PAX7: variants seen among roughly 807,000 people sequenced by gnomAD.
PAX7 encodes paired box protein Pax-7.
PAX7 carries 18 observed loss-of-function variants against 50.7 expected under a neutral mutation model. The ratio of observed to expected loss-of-function variants is 0.36; its 90% confidence interval spans 0.25 to 0.53. The LOEUF (loss-of-function observed/expected upper bound fraction) is 0.53, where lower values mean the gene tolerates loss of function less well. Ranked by LOEUF, PAX7 falls within the 20% of genes least tolerant of loss-of-function variation. The probability of loss-of-function intolerance (pLI) is 0.93; values close to 1 mark genes in which losing one functional copy is unlikely to be tolerated. For synonymous variants in PAX7, 310 were observed against 290.4 expected, an observed-to-expected ratio of 1.07 and a Z score of -0.69; for missense variants, 644 against 702.9, an observed-to-expected ratio of 0.92 and a Z score of 0.95.
intron 4 of PAX7, among the ~76,000 whole-genome samples, chr1:18,688,545 C>T (rs1045937764): frequency 7.9e-5 from 12 of 152,304 alleles, no homozygotes; most frequent in African/African-American, 1.2e-4. Context: ...AGAACGTTTC[C>T]GTCATCGCAG....
chr1:18,642,801 G>T (rs2100438512), intron 4 of PAX7, among the ~76,000 whole-genome samples: 1 of 152,178 alleles, frequency 6.6e-6, no homozygotes, highest in Admixed American at 6.5e-5. Context: ...GACCTAAGGG[G>T]GAAACTTCGC....
intron 4 of PAX7, among the ~76,000 whole-genome samples, chr1:18,637,561 C>A (rs893294513): frequency 6.6e-6 from 1 of 152,234 alleles, no homozygotes; most frequent in African/African-American, 2.4e-5. Flanking sequence ...AGGTTTCTCC[C>A]AGCACCCCTC....
intron 7 of PAX7, among the ~76,000 whole-genome samples, chr1:18,709,156 G>A (rs2100340945): frequency 6.6e-6 from 1 of 152,246 alleles, no homozygotes; most frequent in Non-Finnish European, 1.5e-5. Context: ...AGTGGAAACT[G>A]AGGCCCAGAG....
intron 8 of PAX7, 152 bp downstream of exon 8, chr1:18,736,030 G>A: frequency 6.5e-7 from 1 of 1,537,570 alleles, no homozygotes; most frequent in Non-Finnish European, 8.9e-7. Flanking sequence ...AGATGGAACA[G>A]TTCACCTAAA....
intron 4 of PAX7, among the ~76,000 whole-genome samples, chr1:18,659,679 G>A (rs1180485632): frequency 6.6e-6 from 1 of 152,160 alleles, no homozygotes; most frequent in Non-Finnish European, 1.5e-5. Flanking sequence ...TGAGAGGTGG[G>A]AACCCTGCCT....
chr1:18,687,372 C>G (rs1330305330), intron 4 of PAX7, among the ~76,000 whole-genome samples: 1 of 152,148 alleles, frequency 6.6e-6, no homozygotes, highest in African/African-American at 2.4e-5. Flanking sequence ...CTGCCGAGAC[C>G]AGGATTCCTG....
chr1:18,744,659 C>CGGAT (rs57915192), intron 8 of PAX7, among the ~76,000 whole-genome samples, 155 bp from the exon 9 acceptor site: 23,998 of 90,784 alleles, frequency 0.26, 5,337 homozygotes, highest in East Asian at 0.44. Flanking sequence ...GTAGACAGGA[C>CGGAT]GGATGGATGG....
At chr1:18,640,997 G>A (rs1359918633) in intron 4 of PAX7, among the ~76,000 whole-genome samples, 1 of 152,244 alleles carries the variant, frequency 6.6e-6, no homozygotes, top group Non-Finnish European at 1.5e-5. Context: ...CCCAACCGAA[G>A]AAGAGAGAGG....
chr1:18,674,687 G>A (rs1388489991), intron 4 of PAX7, among the ~76,000 whole-genome samples: 1 of 152,234 alleles, frequency 6.6e-6, no homozygotes, highest in Non-Finnish European at 1.5e-5. Context: ...TGGCACCGCT[G>A]TCTGTCCCCC....
rs138283877 is a variant in PAX7, at chr1:18,663,150, C to T, written c.586+26779C>T. ...ATAATGTGTCCAGGACATCATTTTC[C>T]GGAGGCTGGTTCCTTCTCGACACCT... On this transcript the variant is annotated intron_variant, in intron 4 of 8. Coordinates refer to ENST00000420770, the MANE Select transcript of PAX7 (RefSeq NM_001135254.2). 7.2e-5 allele frequency among the ~76,000 whole-genome samples: 11 copies of T among 152,246 alleles called. No individual in the cohort carries two copies. In the East Asian group the frequency reaches 9.6e-4, roughly 13 times the overall value.
chr1:18,716,962 A>G (rs1343774569), intron 7 of PAX7, among the ~76,000 whole-genome samples: 1 of 92,254 alleles, frequency 1.1e-5, no homozygotes, highest in Non-Finnish European at 2.1e-5. Context: ...ACCCAAGTCC[A>G]GGGCGGGGGT....
intron 7 of PAX7, among the ~76,000 whole-genome samples, chr1:18,711,945 C>A (rs1184156378): frequency 6.6e-6 from 1 of 152,152 alleles, no homozygotes; most frequent in Non-Finnish European, 1.5e-5. Context: ...TGCTCCCCTG[C>A]CCCACCCAAA....
intron 5 of PAX7, among the ~76,000 whole-genome samples, chr1:18,698,504 TC>T (rs34730246): frequency 6.6e-6 from 1 of 152,130 alleles, no homozygotes; most frequent in Non-Finnish European, 1.5e-5. Flanking sequence ...GGAATAACTT[TC>T]CCATCCTCAT....
rs2088157783 is a variant in PAX7 at position 18,636,407 on chromosome 1, G to A, written c.586+36G>A. The A allele has an allele frequency of 1.2e-6, 2 of 1,604,018 alleles. No individual in the cohort carries two copies. Among genetic ancestry groups the A allele is most frequent in the Admixed American group, 3.4e-5 (2 of 58,794 alleles). On this transcript the variant is annotated intron_variant, in intron 4 of 8. Transcript: ENST00000420770. The surrounding 1 kb of genome is among the most constrained non-coding windows in gnomAD (Gnocchi z 5.1). The stretch of plus-strand genomic sequence containing the variant: ...TCCCTGGGCTGCGAGGCCCCAGCCC[G>A]GGTTTTCCCACGCTCCGGTGTGCGG...
chr1:18,743,315 T>A (rs1931248289), intron 8 of PAX7, among the ~76,000 whole-genome samples: 1 of 152,258 alleles, frequency 6.6e-6, no homozygotes, highest in Non-Finnish European at 1.5e-5. Context: ...CTCCGTCATT[T>A]GAACCACTAG....
At chr1:18,741,463 A>AAAAAG (rs1553144726) in intron 8 of PAX7, among the ~76,000 whole-genome samples, 235 of 149,550 alleles carry the variant, frequency 1.6e-3, no homozygotes, top group African/African-American at 5.5e-3. Flanking sequence ...AAGAAAAAAA[A>AAAAAG]AAAGAAAGAA....
intron 4 of PAX7, among the ~76,000 whole-genome samples, chr1:18,659,691 T>C (rs1470980530): frequency 6.6e-6 from 1 of 152,204 alleles, no homozygotes; most frequent in Non-Finnish European, 1.5e-5. Flanking sequence ...ACCCTGCCTC[T>C]GAGTCCTGGT....
intron 4 of PAX7, among the ~76,000 whole-genome samples, chr1:18,662,433 T>C (rs2088613512): frequency 6.6e-6 from 1 of 152,208 alleles, no homozygotes; most frequent in African/African-American, 2.4e-5. Context: ...CATTCATTCA[T>C]TCATTCATTC....
At chr1:18,716,812 C>T (rs1168397995) in intron 7 of PAX7, among the ~76,000 whole-genome samples, 1 of 151,754 alleles carries the variant, frequency 6.6e-6, no homozygotes, top group African/African-American at 2.4e-5. Flanking sequence ...CAACAAACAC[C>T]TCTTCCCCCT....
Sources: gnomAD v4.1 joint callset for allele counts (sites outside exome capture counted in the v4.1 genomes callset) on GRCh38, gnomAD v4.1.1 for gene constraint, Gnocchi (gnomAD v3.1) non-coding constraint, MANE v1.5 for transcripts, NCBI Gene and HGNC (gene_info 2026-07-23, HGNC 2026-07-21) for gene names.